CUL4A: variants seen among roughly 807,000 people sequenced by gnomAD.
CUL4A encodes cullin 4A, also known as cullin-4A.
CUL4A carries 16 observed loss-of-function variants against 95.5 expected under a neutral mutation model. That is an observed-to-expected ratio of 0.17 (90% CI 0.11 to 0.25). The LOEUF is 0.25. Among genes scored for constraint, CUL4A ranks in the 10% least tolerant of loss-of-function variants. The pLI, the probability that CUL4A is intolerant of heterozygous loss-of-function variation, is 1.00. For missense variants in CUL4A, 610 were observed against 937.0 expected, an observed-to-expected ratio of 0.65 and a Z score of 4.56; for synonymous variants, 380 against 353.1, an observed-to-expected ratio of 1.08 and a Z score of -0.85.
chr13:113,214,564 G>C (rs994104605), intron 2 of CUL4A, among the ~76,000 whole-genome samples: 2 of 152,020 alleles, frequency 1.3e-5, no homozygotes, highest in Admixed American at 6.6e-5. Context: ...TGTTGTCCAG[G>C]CTCCTTGGGA....
At chr13:113,242,802 A>G (rs919733003) in intron 10 of CUL4A, among the ~76,000 whole-genome samples, 166 bp from the exon 11 acceptor site, 1 of 152,194 alleles carries the variant, frequency 6.6e-6, no homozygotes, top group Admixed American at 6.5e-5. Flanking sequence ...AAGTGTATTC[A>G]CTTAATTTTT....
At chr13:113,234,997 C>A in intron 7 of CUL4A, 66 bp from the exon 8 acceptor site, 1 of 1,199,382 alleles carries the variant, frequency 8.3e-7, no homozygotes, top group Non-Finnish European at 1.2e-6. Context: ...AAAACAAAAT[C>A]TCAATTTCTT....
Position 113,233,215 on chromosome 13 carries a change from G to A in CUL4A, c.551G>A (p.Ser184Asn). 3.1e-6 allele frequency: 5 copies of A among 1,613,736 alleles called. No homozygotes were observed. Among genetic ancestry groups the A allele is most frequent in the Non-Finnish European group, 4.2e-6 (5 of 1,179,658 alleles). ...GLELFRTHII[S>N]DKMVQSKTID... ...GAACTGTTTAGAACCCATATTATTAGTGATAAAATGGTTCAGAGTAAAACC... is the reference window on the plus strand; with the variant it reads ...GAACTGTTTAGAACCCATATTATTAATGATAAAATGGTTCAGAGTAAAACC... Residue 184 changes from serine (S) to asparagine (N), a missense_variant, in exon 6 of 20, where the codon AGT (serine) becomes AAT (asparagine). Transcript: ENST00000375440.
chr13:113,245,395 C>T (rs2041829967), intron 14 of CUL4A, among the ~76,000 whole-genome samples, 158 bp downstream of exon 14: 1 of 152,164 alleles, frequency 6.6e-6, no homozygotes, highest in Non-Finnish European at 1.5e-5. Context: ...GACCCAGTCT[C>T]TACAAAAGAA....
chr13:113,236,685 T>G, intron 8 of CUL4A, 138 bp from the exon 9 acceptor site: 2 of 528,304 alleles, frequency 3.8e-6, no homozygotes. Context: ...TCCGTTTGCA[T>G]GAGGAAATGT....
intron 3 of CUL4A, among the ~76,000 whole-genome samples, chr13:113,225,242 A>G (rs759048958): frequency 6.6e-6 from 1 of 151,862 alleles, no homozygotes; most frequent in Non-Finnish European, 1.5e-5. Context: ...CTATTGACAG[A>G]CTCACGGTGT....
At chr13:113,237,484 C>T (rs546892151) in intron 9 of CUL4A, among the ~76,000 whole-genome samples, 21 of 152,328 alleles carry the variant, frequency 1.4e-4, no homozygotes, top group South Asian at 4.1e-4. Flanking sequence ...TGGCTTCTAG[C>T]AGCCTGCACC....
chr13:113,232,139 C>T (rs1326960592), intron 5 of CUL4A, among the ~76,000 whole-genome samples: 9 of 144,470 alleles, frequency 6.2e-5, no homozygotes, highest in East Asian at 2.0e-4. Flanking sequence ...CCACTACCCG[C>T]CCACCACCAT....
chr13:113,212,032 CATT>C (rs1328754911), intron 2 of CUL4A, among the ~76,000 whole-genome samples: 3 of 152,208 alleles, frequency 2.0e-5, no homozygotes, highest in Non-Finnish European at 4.4e-5. Flanking sequence ...GGTGGAGTGT[CATT>C]GTAGTTTTAG....
chr13:113,232,914 T>C (rs971553557), intron 5 of CUL4A, among the ~76,000 whole-genome samples: 4 of 152,114 alleles, frequency 2.6e-5, no homozygotes, highest in South Asian at 2.1e-4. Flanking sequence ...GCAGCTTGTG[T>C]GATACCAGTT....
intron 3 of CUL4A, among the ~76,000 whole-genome samples, chr13:113,226,919 C>T (rs1467712537): frequency 2.0e-5 from 3 of 152,198 alleles, no homozygotes; most frequent in Admixed American, 6.5e-5. Flanking sequence ...AGGAGCCCCC[C>T]TGTGGGAGTA....
At chr13:113,250,317 T>G (rs956844181) in intron 15 of CUL4A, among the ~76,000 whole-genome samples, 1 of 152,136 alleles carries the variant, frequency 6.6e-6, no homozygotes, top group African/African-American at 2.4e-5. Flanking sequence ...CCGCATGTCG[T>G]GGTGTCTGCC....
rs71101559 is a variant in CUL4A at position 113,260,203 on chromosome 13, C to CAAAAAAA, written c.2032-394_2032-388dup. On this transcript the variant is annotated intron_variant, in intron 18 of 19. Transcript: ENST00000375440. ...TGGGTGACAGAGTGAGACTCCGTCTCAAAAAAAAAAAAAAAACCATTTCCC... is the reference window on the plus strand; with the variant it reads ...TGGGTGACAGAGTGAGACTCCGTCTCAAAAAAAAAAAAAAAAAAAAAAACCATTTCCC... Among the ~76,000 whole-genome samples the CAAAAAAA allele has an allele frequency of 8.9e-3, 111 of 12,516 alleles. 19 individuals are homozygous for CAAAAAAA. Among genetic ancestry groups the CAAAAAAA allele is most frequent in the South Asian group, 0.022 (3 of 134 alleles). The allele number at this position is 12,516 out of a possible 152,430, so 8.2% of individuals were successfully genotyped here.
chr13:113,233,788 T>TC (rs1225278927), intron 6 of CUL4A, 109 bp from the exon 7 acceptor site: 4 of 747,768 alleles, frequency 5.3e-6, no homozygotes, highest in African/African-American at 5.3e-5. Context: ...CACAGGCGCC[T>TC]CCAAGTTCAG....
At chr13:113,216,538 T>G (rs1204769897) in intron 2 of CUL4A, among the ~76,000 whole-genome samples, 1 of 152,242 alleles carries the variant, frequency 6.6e-6, no homozygotes, top group Non-Finnish European at 1.5e-5. Context: ...AGAATGCAAA[T>G]GATACTTCTC....
At chr13:113,225,667 G>A (rs569740138) in intron 3 of CUL4A, among the ~76,000 whole-genome samples, 3 of 152,178 alleles carry the variant, frequency 2.0e-5, no homozygotes, top group Admixed American at 6.5e-5. Flanking sequence ...GCTGTGGCCC[G>A]CCTGCCCGCA....
chr13:113,211,037 C>G (rs575438157), intron 2 of CUL4A, among the ~76,000 whole-genome samples: 3 of 152,222 alleles, frequency 2.0e-5, no homozygotes, highest in African/African-American at 7.2e-5. Context: ...GTTACGTAAC[C>G]GGCACCACGG....
intron 10 of CUL4A, among the ~76,000 whole-genome samples, chr13:113,242,111 T>C (rs937305120): frequency 6.6e-6 from 1 of 151,976 alleles, no homozygotes; most frequent in Non-Finnish European, 1.5e-5. Flanking sequence ...AGTCAAGAGA[T>C]CAAGACCATC....
At chr13:113,214,723 G>C (rs2139085216) in intron 2 of CUL4A, among the ~76,000 whole-genome samples, 1 of 152,240 alleles carries the variant, frequency 6.6e-6, no homozygotes, top group South Asian at 2.1e-4. Context: ...ATGACATGTT[G>C]ATACCAGGTG....
Sources: gnomAD v4.1 joint callset for allele counts (sites outside exome capture counted in the v4.1 genomes callset) on GRCh38, gnomAD v4.1.1 for gene constraint, MANE v1.5 for transcripts, NCBI Gene and HGNC (gene_info 2026-07-23, HGNC 2026-07-21) for gene names.